ZEB2: variants seen among roughly 807,000 people sequenced by gnomAD.
ZEB2 encodes zinc finger E-box-binding homeobox 2.
In ZEB2, 6 loss-of-function variants were observed where a neutral mutation model predicts 99.9. The ratio of observed to expected loss-of-function variants is 0.06; its 90% CI spans 0.03 to 0.12. The LOEUF (loss-of-function observed/expected upper bound fraction) is 0.12, where lower values mean the gene tolerates loss of function less well. ZEB2 is among the 10% of genes least tolerant of loss of function. ZEB2 has a pLI of 1.00. For synonymous variants in ZEB2, 517 were observed against 542.5 expected (o/e 0.95, Z 0.65); for missense variants, 969 against 1,502.8 (o/e 0.64, Z 5.87).
At chr2:144,397,154 G>C (rs1422496011) in intron 8 of ZEB2, among the ~76,000 whole-genome samples, 1 of 152,102 alleles carries the variant, frequency 6.6e-6, no homozygotes, top group Non-Finnish European at 1.5e-5. Flanking sequence ...TGTTAAAACA[G>C]CCTTCAGCAT....
intron 6 of ZEB2, among the ~76,000 whole-genome samples, chr2:144,401,912 G>A (rs934316748): frequency 1.3e-5 from 2 of 152,126 alleles, no homozygotes; most frequent in African/African-American, 2.4e-5. Context: ...TATTCATTGT[G>A]CTAGTAGCAA....
Position 144,406,285 on chromosome 2 carries a change from G to A in ZEB2, c.404-1261C>T, listed in dbSNP as rs373475017. Among the ~76,000 whole-genome samples the A allele has an allele frequency of 3.9e-5, 6 of 152,252 alleles. No homozygotes were observed. In the East Asian group the frequency reaches 9.7e-4, roughly 24 times the overall value. On this transcript the variant is annotated intron_variant, in intron 4 of 9. Transcript: ENST00000627532. The stretch of plus-strand genomic sequence containing the variant: ...ATGCCTAGTGTGTGATAGGCATCAT[G>A]TCCTGCTCTGGTGAGCAGAAAACAG...
chr2:144,509,842 G>A (rs746057245), intron 2 of ZEB2, among the ~76,000 whole-genome samples: 1 of 152,146 alleles, frequency 6.6e-6, no homozygotes, highest in Non-Finnish European at 1.5e-5. Flanking sequence ...TGTTGAAAAT[G>A]GTGGCAAATA....
chr2:144,468,154 C>A (rs1011188241), intron 2 of ZEB2, among the ~76,000 whole-genome samples: 1 of 151,804 alleles, frequency 6.6e-6, no homozygotes, highest in African/African-American at 2.4e-5. Flanking sequence ...AAGAGCCTGC[C>A]GGGAGAGAAA....
intron 2 of ZEB2, chr2:144,504,080 A>AC: frequency 1.4e-5 from 1 of 70,334 alleles, no homozygotes; most frequent in African/African-American, 5.8e-5. Flanking sequence ...TAACAATTAG[A>AC]AAAAAAAAAA....
At chr2:144,427,684 A>T (rs1703707573) in intron 3 of ZEB2, 1 of 151,398 alleles carries the variant, frequency 6.6e-6, no homozygotes, top group Non-Finnish European at 1.5e-5. Context: ...TTAGAACAAT[A>T]AAAAAAAAGA....
At chr2:144,411,958 T>G (rs1324755408) in intron 4 of ZEB2, among the ~76,000 whole-genome samples, 1 of 151,990 alleles carries the variant, frequency 6.6e-6, no homozygotes, top group Non-Finnish European at 1.5e-5. Flanking sequence ...AATGATAGAG[T>G]CCATTACTTT....
At chr2:144,512,171 A>C in intron 2 of ZEB2, 1 of 1,287,244 alleles carries the variant, frequency 7.8e-7, no homozygotes, top group Non-Finnish European at 1.0e-6. Context: ...GTCTGTGAGC[A>C]TTGCAAACCT....
intron 7 of ZEB2, 28 bp downstream of exon 7, chr2:144,401,171 T>C (rs1349582729): frequency 6.3e-7 from 1 of 1,597,834 alleles, no homozygotes; most frequent in Non-Finnish European, 8.6e-7. Flanking sequence ...AAAATGCAAA[T>C]GCGAGCTCCA....
At position 144,389,778 on chromosome 2, in the gene ZEB2, C is replaced by T. The variant is rs1389508177; in HGVS notation, c.3318G>A (p.Leu1106=). The change falls in exon 10 of 10, where the codon CTG becomes CTA. Residue 1106 remains leucine, a synonymous_variant. Transcript: ENST00000627532. This position sits in a 1 kb window ranked among gnomAD's most constrained non-coding sequence, Gnocchi z 6.8. ...REKGHLEPTE[L]LMNRAYLQSI... ...TCTGCAAGTAAGCCCGGTTCATCAG[C>T]AGCTCGGTGGGTTCCAAGTGCCCTT... 1 of 1,608,894 alleles carries T rather than the reference C, an allele frequency of 6.2e-7. No individual in the cohort carries two copies. Among genetic ancestry groups the T allele is most frequent in the Non-Finnish European group, 8.5e-7 (1 of 1,176,520 alleles).
rs774852448 is a variant in ZEB2 at position 144,453,452 on chromosome 2, C to A, written c.74-23426G>T. Among the ~76,000 whole-genome samples, 11 of 152,322 alleles carry A rather than the reference C, an allele frequency of 7.2e-5. No homozygotes were observed. The South Asian group carries it at 8.3e-4, about 11-fold the overall frequency. Reference sequence around the variant, plus strand: ...GTGTTTCATCTCAAATAATTTTTCACTGACAGGATTTCAGAGTCAGAAAGT... The same window carrying A: ...GTGTTTCATCTCAAATAATTTTTCAATGACAGGATTTCAGAGTCAGAAAGT... On this transcript the variant is annotated intron_variant, in intron 2 of 9. Transcript: ENST00000627532.
chr2:144,476,440 T>C (rs930374570), intron 2 of ZEB2, among the ~76,000 whole-genome samples: 1 of 152,166 alleles, frequency 6.6e-6, no homozygotes, highest in Non-Finnish European at 1.5e-5. Flanking sequence ...GCAGTAAATA[T>C]GTGCATGCAA....
intron 4 of ZEB2, among the ~76,000 whole-genome samples, chr2:144,409,456 T>G (rs894703380): frequency 6.6e-6 from 1 of 152,152 alleles, no homozygotes; most frequent in African/African-American, 2.4e-5. Flanking sequence ...TCCTTCTTTC[T>G]GTAATCCTCT....
chr2:144,472,403 A>C (rs1704370397), intron 2 of ZEB2, among the ~76,000 whole-genome samples: 1 of 152,136 alleles, frequency 6.6e-6, no homozygotes, highest in Non-Finnish European at 1.5e-5. Context: ...CAAAATTTAC[A>C]TGCAAGGATA....
intron 1 of ZEB2, chr2:144,518,618 A>AG (rs1041300702): frequency 3.9e-5 from 6 of 152,128 alleles, no homozygotes; most frequent in Admixed American, 3.3e-4. Context: ...GGGTGAAGGG[A>AG]GGGGGGCAGA....
rs770528613 is a variant in ZEB2, at chr2:144,429,843, T to C, written c.257A>G (p.Asp86Gly). 6 of 1,613,832 alleles carry C rather than the reference T, an allele frequency of 3.7e-6. No homozygotes were observed. The highest frequency in any genetic ancestry group is 1.7e-5 in the Admixed American group (1 of 59,958). Residue 86 changes from aspartate to glycine, a missense_variant, in exon 3 of 10, where the codon GAT becomes GGT. Transcript: ENST00000627532. ...QALLPREEEE[D>G]EIREGGVEHP... ...TTCCACTCCACCCTCCCTTATTTCA[T>C]CTTCCTCTTCCTCTCTTGGCAACAG...
chr2:144,388,974 A>G lies in ZEB2; in HGVS notation c.*477T>C. Reference sequence around the variant, plus strand: ...GGAAATTGATGAATAGCGAAAGGAAAGTACAGAGGAATCATAATACTGATG... The same window carrying G: ...GGAAATTGATGAATAGCGAAAGGAAGGTACAGAGGAATCATAATACTGATG... On this transcript the variant is annotated 3_prime_UTR_variant, in exon 10 of 10. Coordinates refer to ENST00000627532, the MANE Select transcript of ZEB2 (RefSeq NM_014795.4). This position sits in a 1 kb window ranked among gnomAD's most constrained non-coding sequence, Gnocchi z 5.4. 2.2e-6 allele frequency: 1 copy of G among 448,196 alleles called. No homozygotes were observed. Among genetic ancestry groups the G allele is most frequent in the East Asian group, 6.6e-5 (1 of 15,180 alleles). 27.8% of individuals were successfully genotyped at this position (448,196 alleles called of 1,614,324 possible). A position where few individuals can be genotyped will look rare whatever the true frequency, so the allele number is the denominator to read the frequency against.
intron 2 of ZEB2, among the ~76,000 whole-genome samples, chr2:144,478,244 G>A (rs1271556652): frequency 6.6e-6 from 1 of 152,216 alleles, no homozygotes; most frequent in Non-Finnish European, 1.5e-5. Flanking sequence ...GGCCTCAGAA[G>A]TGTTTAAATC....
At position 144,482,642 on chromosome 2, in the gene ZEB2, C is replaced by T. The variant is rs75797530; in HGVS notation, c.73+34636G>A. ...CTTCCACACTTCCTAGTTGTTACTTCCTCTCCAGTGTTTCCCATTTCTCTC... is the reference window on the plus strand; with the variant it reads ...CTTCCACACTTCCTAGTTGTTACTTTCTCTCCAGTGTTTCCCATTTCTCTC... On this transcript the variant is annotated intron_variant, in intron 2 of 9. Coordinates refer to ENST00000627532, the MANE Select transcript of ZEB2 (RefSeq NM_014795.4). 5.2e-3 allele frequency among the ~76,000 whole-genome samples: 786 copies of T among 152,258 alleles called. 5 individuals carry two copies. Among genetic ancestry groups the T allele is most frequent in the Non-Finnish European group, 5.5e-3 (371 of 68,018 alleles).
Sources: allele counts gnomAD v4.1 joint callset (sites outside exome capture counted in the v4.1 genomes callset), GRCh38; gene constraint gnomAD v4.1.1; non-coding constraint Gnocchi (gnomAD v3.1); transcripts MANE v1.5; gene names NCBI Gene and HGNC (gene_info 2026-07-23, HGNC 2026-07-21).